The following PARP11 variants were observed in gnomAD, a reference collection of about 807,000 sequenced individuals.
The protein encoded by PARP11 is poly(ADP-ribose) polymerase family member 11, also known as protein mono-ADP-ribosyltransferase PARP11.
A neutral mutation model predicts 42.9 loss-of-function variants in PARP11; 31 were observed. The ratio of observed to expected loss-of-function variants is 0.72; its 90% CI spans 0.54 to 0.98. The LOEUF is 0.98. Among genes scored for constraint, PARP11 ranks in the 50% least tolerant of loss-of-function variants. The pLI is 0.00. For missense variants in PARP11, 365 were observed against 413.1 expected, an observed-to-expected ratio of 0.88 and a Z score of 1.01; for synonymous variants, 137 against 127.3, an observed-to-expected ratio of 1.08 and a Z score of -0.51.
At chr12:3,816,898 T>C (rs1280128616) in intron 6 of PARP11, among the ~76,000 whole-genome samples, 2 of 151,980 alleles carry the variant, frequency 1.3e-5, no homozygotes, top group African/African-American at 4.8e-5. Flanking sequence ...CAAGACTCCA[T>C]CTCAAAAAGA....
chr12:3,822,357 G>C (rs1947413846), intron 4 of PARP11, among the ~76,000 whole-genome samples, 200 bp from the exon 5 acceptor site: 1 of 151,746 alleles, frequency 6.6e-6, no homozygotes. Flanking sequence ...CCAGCACTTT[G>C]GGAGGCCGAG....
At chr12:3,822,208 T>C (rs758986836) in intron 4 of PARP11, 51 bp from the exon 5 acceptor site, 20 of 1,368,940 alleles carry the variant, frequency 1.5e-5, no homozygotes, top group East Asian at 2.3e-5. Context: ...TTACAATTAC[T>C]GTCAAGAACT....
At chr12:3,872,295 C>T (rs1297765858) in intron 1 of PARP11, among the ~76,000 whole-genome samples, 1 of 152,074 alleles carries the variant, frequency 6.6e-6, no homozygotes, top group Admixed American at 6.6e-5. Flanking sequence ...TAGAGATCTC[C>T]CTGGTCTCTG....
intron 1 of PARP11, among the ~76,000 whole-genome samples, chr12:3,862,360 A>G (rs1379927853): frequency 6.6e-6 from 1 of 152,124 alleles, no homozygotes; most frequent in East Asian, 1.9e-4. Flanking sequence ...GACAGGCAAG[A>G]GGATTGCTTG....
intron 7 of PARP11, 132 bp downstream of exon 7, chr12:3,813,905 C>A (rs1237914029): frequency 3.4e-6 from 2 of 591,684 alleles, no homozygotes; most frequent in Admixed American, 3.4e-5. Context: ...GTACACAATG[C>A]AATTATAATC....
At chr12:3,846,952 C>G (rs1197746257) in intron 1 of PARP11, among the ~76,000 whole-genome samples, 1 of 151,838 alleles carries the variant, frequency 6.6e-6, no homozygotes, top group Non-Finnish European at 1.5e-5. Context: ...GGGCACGTGC[C>G]TGTGGTCCCA....
intron 1 of PARP11, chr12:3,839,974 C>T: frequency 1.4e-6 from 2 of 1,461,694 alleles, no homozygotes; most frequent in Admixed American, 1.7e-5. Flanking sequence ...TGGATTTAAA[C>T]CTTTGTCAGG....
chr12:3,856,642 G>A (rs900965572), intron 1 of PARP11, among the ~76,000 whole-genome samples: 1 of 152,216 alleles, frequency 6.6e-6, no homozygotes, highest in East Asian at 1.9e-4. Flanking sequence ...AGAGGATGTG[G>A]AGAAACAGGA....
At chr12:3,845,648 C>T (rs143774491) in intron 1 of PARP11, among the ~76,000 whole-genome samples, 239 of 152,320 alleles carry the variant, frequency 1.6e-3, no homozygotes, top group African/African-American at 5.3e-3. Flanking sequence ...TATTTGGCTA[C>T]ACTATTTCTG....
intron 1 of PARP11, among the ~76,000 whole-genome samples, chr12:3,836,499 G>T (rs555884803): frequency 4.0e-4 from 61 of 152,184 alleles, no homozygotes; most frequent in Non-Finnish European, 6.2e-4. Flanking sequence ...AGGCTGAAAT[G>T]ATACTAGGCA....
chr12:3,827,297 G>A (rs1466415297), intron 3 of PARP11, among the ~76,000 whole-genome samples: 1 of 152,174 alleles, frequency 6.6e-6, no homozygotes, highest in Non-Finnish European at 1.5e-5. Context: ...ATTAGTATAT[G>A]TAACTCCCAT....
chr12:3,853,851 T>TCCAAATTGACCACATA (rs1413748289), intron 1 of PARP11, among the ~76,000 whole-genome samples: 2 of 152,114 alleles, frequency 1.3e-5, no homozygotes, highest in Non-Finnish European at 2.9e-5. Context: ...AGCATCACAT[T>TCCAAATTGACCACATA]GTACTTATTC....
chr12:3,819,355 T>C (rs1947349408), intron 6 of PARP11, among the ~76,000 whole-genome samples: 1 of 152,218 alleles, frequency 6.6e-6, no homozygotes, highest in Admixed American at 6.5e-5. Context: ...CTCTCTGCTA[T>C]GAACTGGGAT....
Position 3,842,018 on chromosome 12 carries a change from C to T in PARP11, c.19-12000G>A, listed in dbSNP as rs1016451020. ...TCCCAGACACGAAAGGCAGATATGG[C>T]ATTGGCTTCCATCCCTCCTGTAGCA... On this transcript the variant is annotated intron_variant, in intron 1 of 7. Transcript: ENST00000228820. 6 of 1,611,080 alleles carry T rather than the reference C, an allele frequency of 3.7e-6. No homozygotes were observed. In the African/African-American group the frequency reaches 8.0e-5, roughly 22 times the overall value.
intron 2 of PARP11, 89 bp downstream of exon 2, chr12:3,829,801 T>A: frequency 7.9e-7 from 1 of 1,263,892 alleles, no homozygotes; most frequent in Non-Finnish European, 1.1e-6. Flanking sequence ...TGACTTCAAG[T>A]TCTATATTTA....
In PARP11 at chr12:3,842,664, T is replaced by C. The variant is rs1389180726; in HGVS notation, c.19-12646A>G. ...CTTCCCTCCCATACTCGACAAGACA[T>C]TGTGGACATGAGTTCAAGGGGGCAG... On this transcript the variant is annotated intron_variant, in intron 1 of 7. Transcript: ENST00000228820. 29 of 621,782 alleles carry C rather than the reference T, an allele frequency of 4.7e-5. No individual in the cohort carries two copies. In the East Asian group the frequency reaches 7.2e-4, roughly 15 times the overall value. 38.5% of individuals were successfully genotyped at this position (621,782 alleles called of 1,614,324 possible). A position where few individuals can be genotyped will look rare whatever the true frequency, so the allele number is the denominator to read the frequency against.
intron 1 of PARP11, chr12:3,841,811 T>C (rs7295047): frequency 0.26 from 419,600 of 1,606,422 alleles, 63,007 homozygotes; most frequent in East Asian, 0.54. Context: ...AGGCAGAATA[T>C]TGTCCTGCCC....
chr12:3,832,193 T>G (rs755400436), intron 1 of PARP11: 4 of 731,234 alleles, frequency 5.5e-6, no homozygotes, highest in Non-Finnish European at 6.7e-6. Flanking sequence ...ATAAATCGCT[T>G]TGGGTGGGAC....
chr12:3,854,613 G>C (rs140056588), intron 1 of PARP11, among the ~76,000 whole-genome samples: 2 of 152,200 alleles, frequency 1.3e-5, no homozygotes, highest in African/African-American at 4.8e-5. Flanking sequence ...GAATAGACCA[G>C]TAACAGGATC....
Sources: gnomAD v4.1 joint callset for allele counts (sites outside exome capture counted in the v4.1 genomes callset) on GRCh38, gnomAD v4.1.1 for gene constraint, MANE v1.5 for transcripts, NCBI Gene and HGNC (gene_info 2026-07-23, HGNC 2026-07-21) for gene names.